Variants in MAPK11 observed in about 807,000 individuals in gnomAD.
The protein encoded by MAPK11 is MAP kinase 11.
MAPK11 carries 44 observed loss-of-function variants against 52.2 expected under a neutral mutation model. The observed-to-expected ratio is 0.84, with a 90% CI of 0.66 to 1.08. The LOEUF (loss-of-function observed/expected upper bound fraction) is 1.08, where lower values mean the gene tolerates loss of function less well. MAPK11 is among the 50% of genes least tolerant of loss of function. The pLI is 0.00. For missense variants in MAPK11, 436 were observed against 494.7 expected (o/e 0.88, Z 1.13); for synonymous variants, 233 against 206.3 (o/e 1.13, Z -1.11).
chr22:50,265,941 A>C (rs1466860899), intron 9 of MAPK11, among the ~76,000 whole-genome samples: 2 of 91,862 alleles, frequency 2.2e-5, no homozygotes, highest in Admixed American at 1.1e-4. Flanking sequence ...GCCCACCCCC[A>C]CTGCCCTGGC....
Position 50,270,047 on chromosome 22 carries a change from C to A in MAPK11, c.116+130G>T, listed in dbSNP as rs1382455743. Reference sequence around the variant, plus strand: ...CGCCCCCCCATTCATTCCTCAGATCCGCTTGGCGCCCGGGGGCGGAGGCAG... The same window carrying A: ...CGCCCCCCCATTCATTCCTCAGATCAGCTTGGCGCCCGGGGGCGGAGGCAG... On this transcript the variant is annotated intron_variant, in intron 1 of 11. Coordinates refer to ENST00000330651, the MANE Select transcript of MAPK11 (RefSeq NM_002751.7). This position sits in a 1 kb window ranked among gnomAD's most constrained non-coding sequence, Gnocchi z 6.3. 2 of 366,366 alleles carry A rather than the reference C, an allele frequency of 5.5e-6. No individual in the cohort carries two copies. The highest frequency in any genetic ancestry group is 4.3e-5 in the African/African-American group (2 of 46,420). The allele number at this position is 366,366 out of a possible 1,614,324, so 22.7% of individuals were successfully genotyped here. A position where few individuals can be genotyped will look rare whatever the true frequency, so the allele number is the denominator to read the frequency against.
At chr22:50,266,086 T>C (rs550088813) in intron 9 of MAPK11, 140 bp downstream of exon 9, 4 of 673,586 alleles carry the variant, frequency 5.9e-6, no homozygotes, top group African/African-American at 3.6e-5. Context: ...CCTGCAGGGA[T>C]TGGGCACCTG....
At chr22:50,266,471 C>T (rs2065262828) in intron 8 of MAPK11, 69 bp downstream of exon 8, 1 of 1,458,742 alleles carries the variant, frequency 6.9e-7, no homozygotes, top group African/African-American at 1.4e-5. Flanking sequence ...CCAGAAGGGG[C>T]CAGCGCTGGT....
chr22:50,267,065 G>C lies in MAPK11; in HGVS notation c.496-17C>G, dbSNP rs1179857569. On this transcript the variant is annotated splice_polypyrimidine_tract_variant and intron_variant, in intron 6 of 11. Transcript: ENST00000330651. Reference sequence around the variant, plus strand: ...ATCCAGGATCTGGGGCGACCACGTGGTGTTCTCAAGCTCCGCACGGGCTCC... The same window carrying C: ...ATCCAGGATCTGGGGCGACCACGTGCTGTTCTCAAGCTCCGCACGGGCTCC... The C allele has an allele frequency of 5.6e-6, 9 of 1,611,508 alleles. No homozygotes were observed. The East Asian group carries it at 2.0e-4, about 36-fold the overall frequency.
rs754797660 is a variant in MAPK11 at position 50,265,583 on chromosome 22, CA to C, written c.839del (p.Leu280ArgfsTer3). ...AGTCTAGCCCAGGGCAGTCCTCACC[CA>C]GGGGGTTGGCTCCACGGAAGATGCT... Reference protein sequence around the residue: ...LSSIFRGANPLAIDLLGRMLV... With the variant: ...LSSIFRGANPXAIDLLGRMLV... On this transcript the variant is annotated frameshift_variant and splice_region_variant, in exon 10 of 12. Coordinates refer to ENST00000330651, the MANE Select transcript of MAPK11 (RefSeq NM_002751.7). LOFTEE classifies it high-confidence loss of function. 1 of 1,612,274 alleles carries C rather than the reference CA, an allele frequency of 6.2e-7. No individual in the cohort carries two copies. The highest frequency in any genetic ancestry group is 1.7e-5 in the Admixed American group (1 of 59,956).
At position 50,267,877 on chromosome 22, in the gene MAPK11, G is replaced by T. The variant is rs1478812496; in HGVS notation, c.189C>A (p.Ile63=). Reference sequence around the variant, plus strand: ...GCTCCCGGTACGTTCTGCGCGCGTGGATCAGCGACTGGAAGGGGCGCGACA... The same window carrying T: ...GCTCCCGGTACGTTCTGCGCGCGTGTATCAGCGACTGGAAGGGGCGCGACA... ...KKLSRPFQSL[I]HARRTYRELR... The change falls in exon 2 of 12, where the codon ATC becomes ATA. Residue 63 remains isoleucine (I), a synonymous_variant. Coordinates refer to ENST00000330651, the MANE Select transcript of MAPK11 (RefSeq NM_002751.7). 3 of 1,590,230 alleles carry T rather than the reference G, an allele frequency of 1.9e-6. No homozygotes were observed. The South Asian group carries it at 3.4e-5, about 18-fold the overall frequency.
chr22:50,267,744 G>A, intron 2 of MAPK11, 76 bp downstream of exon 2: 1 of 1,445,834 alleles, frequency 6.9e-7, no homozygotes, highest in Non-Finnish European at 9.1e-7. Context: ...CCATCGCCAG[G>A]GCTCGCCCGC....
At chr22:50,266,453 A>T in intron 8 of MAPK11, 87 bp downstream of exon 8, 1 of 1,414,820 alleles carries the variant, frequency 7.1e-7, no homozygotes, top group Non-Finnish European at 9.6e-7. Context: ...CAGAGGAGGC[A>T]AGACCCGCCA....
Position 50,267,956 on chromosome 22 carries a change from G to A in MAPK11, c.117-7C>T. ...CCGGGCGTCGTAGGCCGAACTGGAA[G>A]GCGGGCGAGTGAGGCGGCGCCGGGA... is the stretch of plus-strand genomic sequence containing the variant. On this transcript the variant is annotated splice_region_variant and splice_polypyrimidine_tract_variant and intron_variant, in intron 1 of 11. Transcript: ENST00000330651. 1.3e-6 allele frequency: 2 copies of A among 1,548,160 alleles called. No homozygotes were observed. Among genetic ancestry groups the A allele is most frequent in the South Asian group, 1.2e-5 (1 of 83,464 alleles).
chr22:50,267,508 CAG>C, intron 3 of MAPK11, 26 bp from the exon 4 acceptor site: 2 of 1,580,658 alleles, frequency 1.3e-6, no homozygotes, highest in South Asian at 2.3e-5. Context: ...GGGGTCAGGA[CAG>C]GGCCCCACCG....
chr22:50,265,246 C>A (rs1003290929), intron 11 of MAPK11, 75 bp downstream of exon 11: 5 of 1,567,588 alleles, frequency 3.2e-6, no homozygotes, highest in Non-Finnish European at 4.3e-6. Flanking sequence ...TGGAGAGGAA[C>A]TGGGGCATTT....
At chr22:50,268,809 G>A (rs545743323) in intron 1 of MAPK11, among the ~76,000 whole-genome samples, 15 of 152,284 alleles carry the variant, frequency 9.9e-5, no homozygotes, top group South Asian at 6.2e-4. Context: ...GAGCAGGAGC[G>A]GCTCCTGCTG....
chr22:50,266,361 G>T, intron 8 of MAPK11, 56 bp from the exon 9 acceptor site: 1 of 1,537,616 alleles, frequency 6.5e-7, no homozygotes, highest in South Asian at 1.2e-5. Context: ...TGGGCCCCCA[G>T]ACCCAAAACT....
chr22:50,267,397 C>T lies in MAPK11; in HGVS notation c.391G>A (p.Val131Ile). Reference protein sequence around the residue: ...ALSDEHVQFLVYQLLRGLKYI... With the variant: ...ALSDEHVQFLIYQLLRGLKYI... ...TTCAGCCCGCGCAGCAGCTGGTAAA[C>T]CAGGAATTGAACGTGCTCGTCGCTC... is the stretch of plus-strand genomic sequence containing the variant. The change falls in exon 4 of 12, where the codon GTT (valine) becomes ATT (isoleucine). Residue 131 changes from valine to isoleucine, a missense_variant. Transcript: ENST00000330651. The T allele has an allele frequency of 6.4e-7, 1 of 1,559,084 alleles. No homozygotes were observed.
Position 50,268,042 on chromosome 22 carries a change from G to T in MAPK11, c.117-93C>A, listed in dbSNP as rs1033633695. 1.9e-5 allele frequency: 26 copies of T among 1,352,206 alleles called. 1 individual carries two copies. The East Asian group carries it at 5.4e-4, about 28-fold the overall frequency. 83.8% of individuals were successfully genotyped at this position (1,352,206 alleles called of 1,614,324 possible). ...GCGGCGTCCCTCTCGCCGCTTCTCC[G>T]TGGGGATGGGGCCGTGGGGCTTTTC... On this transcript the variant is annotated intron_variant, in intron 1 of 11. Coordinates refer to ENST00000330651, the MANE Select transcript of MAPK11 (RefSeq NM_002751.7).
chr22:50,265,424 G>A lies in MAPK11; in HGVS notation c.912C>T (p.Ala304=). ...CGTGGTACTGGCTGAAGTAGGCGTGGGCCAGTGCCTCAGCTGCACTGACCC... is the reference window on the plus strand; with the variant it reads ...CGTGGTACTGGCTGAAGTAGGCGTGAGCCAGTGCCTCAGCTGCACTGACCC... ...DQRVSAAEAL[A]HAYFSQYHDP... The change falls in exon 11 of 12, where the codon GCC becomes GCT. Residue 304 remains alanine, a synonymous_variant. Transcript: ENST00000330651. 6.2e-7 allele frequency: 1 copy of A among 1,613,154 alleles called. No homozygotes were observed. The highest frequency in any genetic ancestry group is 8.5e-7 in the Non-Finnish European group (1 of 1,179,996).
intron 1 of MAPK11, 34 bp from the exon 2 acceptor site, chr22:50,267,983 G>A (rs1006143384): frequency 6.6e-7 from 1 of 1,509,478 alleles, no homozygotes; most frequent in Non-Finnish European, 8.8e-7. Flanking sequence ...GCGCCGGGAG[G>A]GGTCCGAGGG....
intron 11 of MAPK11, 82 bp from the exon 12 acceptor site, chr22:50,265,109 C>T: frequency 7.6e-7 from 1 of 1,320,200 alleles, no homozygotes; most frequent in Non-Finnish European, 1.1e-6. Flanking sequence ...GCCACCCAGC[C>T]CAGGCCCACC....
chr22:50,267,249 G>C lies in MAPK11; in HGVS notation c.447+8C>G, dbSNP rs557090202. 3.0e-5 allele frequency: 49 copies of C among 1,606,768 alleles called. No individual in the cohort carries two copies. In the South Asian group the frequency reaches 3.3e-4, roughly 11 times the overall value. ...TGGACCCGACCCTCACCCTGCGGTC[G>C]CACCTACCCGGTGGATGATCCCGGC... On this transcript the variant is annotated splice_region_variant and intron_variant, in intron 5 of 11. Transcript: ENST00000330651.
Sources: allele counts gnomAD v4.1 joint callset (sites outside exome capture counted in the v4.1 genomes callset), GRCh38; gene constraint gnomAD v4.1.1; non-coding constraint Gnocchi (gnomAD v3.1); transcripts MANE v1.5; gene names NCBI Gene and HGNC (gene_info 2026-07-23, HGNC 2026-07-21).